Variants in PCDHGA2 observed in about 807,000 individuals in gnomAD.
PCDHGA2 encodes the protein protocadherin gamma subfamily A, 2.
Under a neutral mutation model 59.2 loss-of-function variants are expected in PCDHGA2, and 40 were observed. The observed-to-expected ratio is 0.68, with a 90% confidence interval of 0.52 to 0.88. The LOEUF (loss-of-function observed/expected upper bound fraction) is 0.88, where lower values mean the gene tolerates loss of function less well. Among genes scored for constraint, PCDHGA2 ranks in the 40% least tolerant of loss-of-function variants. The probability of loss-of-function intolerance (pLI) is 0.00; values close to 1 mark genes in which losing one functional copy is unlikely to be tolerated. For missense variants in PCDHGA2, 1,226 were observed against 1,204.0 expected (o/e 1.02, Z -0.27); for synonymous variants, 560 against 526.0 (o/e 1.06, Z -0.89).
chr5:141,496,589 G>A (rs914585858), intron 2 of PCDHGA2, among the ~76,000 whole-genome samples: 7 of 152,124 alleles, frequency 4.6e-5, no homozygotes, highest in Admixed American at 6.5e-5. Flanking sequence ...AACGCAAAGC[G>A]CTTCTTAGAA....
chr5:141,480,240 C>CAA (rs11374694), intron 1 of PCDHGA2, among the ~76,000 whole-genome samples: 156 of 114,060 alleles, frequency 1.4e-3, no homozygotes, highest in Admixed American at 4.6e-3. Flanking sequence ...CCTGTCTCTA[C>CAA]AAAAAAAAAA....
intron 1 of PCDHGA2, chr5:141,378,871 A>G (rs1775219585): frequency 1.3e-5 from 2 of 152,236 alleles, no homozygotes; most frequent in East Asian, 3.9e-4. Flanking sequence ...TCGAATAGAA[A>G]ATGGATCACT....
chr5:141,413,909 T>C, intron 1 of PCDHGA2: 2 of 1,613,316 alleles, frequency 1.2e-6, no homozygotes, highest in Non-Finnish European at 1.7e-6. Context: ...AACGCGCCGG[T>C]CTTCACCTTG....
At chr5:141,390,538 C>T (rs1371210436) in intron 1 of PCDHGA2, 1 of 518,192 alleles carries the variant, frequency 1.9e-6, no homozygotes, top group Non-Finnish European at 3.4e-6. Context: ...GTTTTAACCA[C>T]AAAGTGAAAG....
At chr5:141,427,067 G>A (rs1170378664) in intron 1 of PCDHGA2, 1 of 457,930 alleles carries the variant, frequency 2.2e-6, no homozygotes, top group Non-Finnish European at 4.4e-6. Context: ...CTGTACTAAA[G>A]GTGACAGCCA....
At chr5:141,474,212 C>T (rs892802269) in intron 1 of PCDHGA2, among the ~76,000 whole-genome samples, 5 of 152,078 alleles carry the variant, frequency 3.3e-5, no homozygotes, top group African/African-American at 1.2e-4. Flanking sequence ...TTTCAAAAAC[C>T]AGATTGTGAA....
chr5:141,437,945 C>A (rs1204633193), intron 1 of PCDHGA2, among the ~76,000 whole-genome samples: 1 of 152,112 alleles, frequency 6.6e-6, no homozygotes, highest in Non-Finnish European at 1.5e-5. Flanking sequence ...ACCATATTGG[C>A]CAGAATGGTC....
chr5:141,347,753 C>G (rs1588471504), intron 1 of PCDHGA2, among the ~76,000 whole-genome samples: 1 of 151,006 alleles, frequency 6.6e-6, no homozygotes, highest in South Asian at 2.1e-4. Flanking sequence ...GGCCACTGCA[C>G]TCCAGCTGGG....
At chr5:141,365,163 CCTA>C in intron 1 of PCDHGA2, 2 of 1,613,918 alleles carry the variant, frequency 1.2e-6, no homozygotes, top group Non-Finnish European at 1.7e-6. Flanking sequence ...GGGAAATTGA[CCTA>C]CTCTTTTCGC....
chr5:141,403,788 A>G, intron 1 of PCDHGA2: 3 of 1,613,956 alleles, frequency 1.9e-6, no homozygotes, highest in South Asian at 1.1e-5. Context: ...AAAGTGGCAT[A>G]CAAATTCTGG....
At chr5:141,350,545 G>A (rs1758499936) in intron 1 of PCDHGA2, 1 of 1,613,914 alleles carries the variant, frequency 6.2e-7, no homozygotes, top group Non-Finnish European at 8.5e-7. Context: ...TTTGCGGAAG[G>A]AAACTTGAGT....
rs569362520 is a variant in PCDHGA2 at position 141,415,063 on chromosome 5, G to T, written c.2424+73668G>T. ...CGCGGTGGGGGAGCACACGGGCGAG[G>T]TGCGCACGGCGCGAGCCCTGCTGGA... On this transcript the variant is annotated intron_variant, in intron 1 of 3. Coordinates refer to ENST00000394576, the MANE Select transcript of PCDHGA2 (RefSeq NM_018915.4). The T allele has an allele frequency of 3.1e-6, 5 of 1,613,432 alleles. No individual in the cohort carries two copies. The highest frequency in any genetic ancestry group is 3.3e-5 in the Admixed American group (2 of 60,008).
At chr5:141,444,774 AT>A (rs2098446962) in intron 1 of PCDHGA2, among the ~76,000 whole-genome samples, 1 of 152,018 alleles carries the variant, frequency 6.6e-6, no homozygotes, top group Non-Finnish European at 1.5e-5. Context: ...TATATTCTTG[AT>A]CATGTTTCAT....
chr5:141,360,563 G>A (rs1194971714), intron 1 of PCDHGA2: 1 of 1,613,864 alleles, frequency 6.2e-7, no homozygotes, highest in Non-Finnish European at 8.5e-7. Context: ...TTAAAAATTG[G>A]CGAATCCACT....
intron 1 of PCDHGA2, among the ~76,000 whole-genome samples, chr5:141,483,203 A>T (rs940487337): frequency 1.3e-5 from 2 of 152,204 alleles, no homozygotes; most frequent in African/African-American, 2.4e-5. Flanking sequence ...ATTTTATTCC[A>T]TATAGATGAC....
In PCDHGA2 at chr5:141,372,102, G is replaced by A. The variant is rs200898659; in HGVS notation, c.2424+30707G>A. The stretch of plus-strand genomic sequence containing the variant: ...GGTGCTGTACCCAGCTCTGGGGCCC[G>A]AAGGCTCTGCGCTCTTCGATATGGT... On this transcript the variant is annotated intron_variant, in intron 1 of 3. Coordinates refer to ENST00000394576, the MANE Select transcript of PCDHGA2 (RefSeq NM_018915.4). 5.0e-5 allele frequency: 81 copies of A among 1,613,784 alleles called. No homozygotes were observed. The African/African-American group carries it at 1.0e-3, about 20-fold the overall frequency.
intron 1 of PCDHGA2, chr5:141,389,310 G>A: frequency 6.2e-7 from 1 of 1,614,018 alleles, no homozygotes; most frequent in Non-Finnish European, 8.5e-7. Context: ...CAGGGCTTCT[G>A]ATCCGGACTT....
chr5:141,434,948 T>C (rs1486185815), intron 1 of PCDHGA2, among the ~76,000 whole-genome samples: 1 of 151,828 alleles, frequency 6.6e-6, no homozygotes, highest in East Asian at 1.9e-4. Flanking sequence ...ATATAATTTA[T>C]TAACAATTTA....
chr5:141,388,864 C>T (rs748559328), intron 1 of PCDHGA2: 15 of 1,613,736 alleles, frequency 9.3e-6, no homozygotes, highest in Middle Eastern at 1.6e-4. Flanking sequence ...GGAATGATTG[C>T]GCAATGCACA....
Sources: allele counts gnomAD v4.1 joint callset (sites outside exome capture counted in the v4.1 genomes callset), GRCh38; gene constraint gnomAD v4.1.1; transcripts MANE v1.5; gene names NCBI Gene and HGNC (gene_info 2026-07-23, HGNC 2026-07-21).